Variants in DGKB observed in about 807,000 individuals in gnomAD.
The protein encoded by DGKB is diacylglycerol kinase beta.
In DGKB, 67 loss-of-function variants were observed where a neutral mutation model predicts 114.3. That is an observed-to-expected ratio of 0.59 (90% CI 0.48 to 0.72). The LOEUF (loss-of-function observed/expected upper bound fraction) is 0.72, where lower values mean the gene tolerates loss of function less well. DGKB is among the 30% of genes least tolerant of loss of function. DGKB has a pLI of 0.00. For missense variants in DGKB, 907 were observed against 975.2 expected, an observed-to-expected ratio of 0.93 and a Z score of 0.93; for synonymous variants, 398 against 323.1, an observed-to-expected ratio of 1.23 and a Z score of -2.49.
At chr7:14,562,236 G>A (rs757591409) in intron 20 of DGKB, among the ~76,000 whole-genome samples, 3 of 152,246 alleles carry the variant, frequency 2.0e-5, no homozygotes, top group Non-Finnish European at 4.4e-5. Context: ...CTAGATTTCA[G>A]AGGATGTATG....
At chr7:14,910,339 AAAAAC>A (rs145982113) in intron 1 of DGKB, among the ~76,000 whole-genome samples, 3,921 of 151,798 alleles carry the variant, frequency 0.026, 171 homozygotes, top group African/African-American at 0.083. Context: ...GGAGAAGGCA[AAAAAC>A]AAAACAAAAC....
Position 14,969,661 on chromosome 7 carries a change from T to A in DGKB, c.-188+5035A>T, listed in dbSNP as rs185194526. Among the ~76,000 whole-genome samples the A allele has an allele frequency of 7.2e-5, 11 of 152,230 alleles. No individual in the cohort carries two copies. The East Asian group carries it at 2.1e-3, about 30-fold the overall frequency. Reference sequence around the variant, plus strand: ...GTGCTCGTTATGAGAGTCTAATGCCTGATGATCCCAAAACCATGCATCCCC... The same window carrying A: ...GTGCTCGTTATGAGAGTCTAATGCCAGATGATCCCAAAACCATGCATCCCC... On this transcript the variant is annotated intron_variant, in intron 1 of 4. Coordinates refer to the DGKB transcript ENST00000437998.
chr7:14,859,194 G>C (rs1386934969), intron 1 of DGKB, among the ~76,000 whole-genome samples: 1 of 152,114 alleles, frequency 6.6e-6, no homozygotes, highest in East Asian at 1.9e-4. Context: ...AGTATGGGGT[G>C]TGGGTGGATG....
At chr7:14,762,734 C>T (rs4518556) in intron 2 of DGKB, among the ~76,000 whole-genome samples, 54,025 of 151,790 alleles carry the variant, frequency 0.36, 13,330 homozygotes, top group African/African-American at 0.69. Flanking sequence ...CATGAAGTAA[C>T]GGAGAGATTT....
intron 17 of DGKB, among the ~76,000 whole-genome samples, chr7:14,584,107 A>G (rs1800360887): frequency 6.6e-6 from 1 of 152,208 alleles, no homozygotes; most frequent in South Asian, 2.1e-4. Flanking sequence ...TTTTATTTTA[A>G]CTTCAAATAT....
intron 17 of DGKB, among the ~76,000 whole-genome samples, chr7:14,597,121 T>C (rs1410057738): frequency 6.6e-6 from 1 of 152,094 alleles, no homozygotes; most frequent in East Asian, 1.9e-4. Flanking sequence ...GGCAGGAGAA[T>C]GGCGTGAACC....
At chr7:14,265,292 T>C (rs1449139297) in intron 23 of DGKB, among the ~76,000 whole-genome samples, 5 of 150,136 alleles carry the variant, frequency 3.3e-5, no homozygotes, top group Admixed American at 2.0e-4. Context: ...TTTCTCAATT[T>C]GGACTGCTGT....
At chr7:14,653,552 G>A (rs1815089671) in intron 13 of DGKB, among the ~76,000 whole-genome samples, 1 of 151,974 alleles carries the variant, frequency 6.6e-6, no homozygotes, top group South Asian at 2.1e-4. Context: ...TATACCTAAT[G>A]CTAGATGACG....
intron 1 of DGKB, among the ~76,000 whole-genome samples, chr7:14,878,673 CG>C (rs1853701978): frequency 6.9e-6 from 1 of 144,636 alleles, no homozygotes; most frequent in Non-Finnish European, 1.5e-5. Flanking sequence ...GGCGTGAACC[CG>C]GGAGGCGGAG....
At chr7:14,846,894 G>C (rs1440179159) in intron 1 of DGKB, among the ~76,000 whole-genome samples, 1 of 152,182 alleles carries the variant, frequency 6.6e-6, no homozygotes, top group Non-Finnish European at 1.5e-5. Context: ...AATCTATTGG[G>C]TTGGACGCAT....
intron 23 of DGKB, among the ~76,000 whole-genome samples, chr7:14,308,651 T>C (rs1433123632): frequency 6.6e-6 from 1 of 151,976 alleles, no homozygotes; most frequent in Non-Finnish European, 1.5e-5. Flanking sequence ...TAAAAACAAG[T>C]GTGAATTTGT....
At chr7:14,290,916 T>A (rs913670267) in intron 23 of DGKB, among the ~76,000 whole-genome samples, 1 of 150,688 alleles carries the variant, frequency 6.6e-6, no homozygotes, top group African/African-American at 2.4e-5. Context: ...TTGAGGTGGG[T>A]GTATCACCTG....
At chr7:14,794,708 T>C (rs1269214089) in intron 2 of DGKB, among the ~76,000 whole-genome samples, 2 of 152,164 alleles carry the variant, frequency 1.3e-5, no homozygotes, top group Admixed American at 1.3e-4. Flanking sequence ...GCAGGAGGTC[T>C]ACAGTTAAAA....
At chr7:14,162,701 A>G (rs957548622) in intron 25 of DGKB, among the ~76,000 whole-genome samples, 7 of 152,336 alleles carry the variant, frequency 4.6e-5, no homozygotes, top group African/African-American at 1.7e-4. Context: ...CAATATTTAA[A>G]TTGAATGCAT....
Position 14,823,777 on chromosome 7 carries a change from G to A in DGKB, c.70+17417C>T, listed in dbSNP as rs1324183824. Among the ~76,000 whole-genome samples the A allele has an allele frequency of 2.6e-5, 4 of 152,166 alleles. No homozygotes were observed. In the East Asian group the frequency reaches 7.7e-4, roughly 29 times the overall value. ...CCATATACTGCAGGTTACCTAAAAG[G>A]AATTCATATAGCTTTTAAAAATAAA... On this transcript the variant is annotated intron_variant, in intron 2 of 25. Transcript: ENST00000402815.
chr7:14,704,767 T>C (rs1036585391), intron 6 of DGKB, among the ~76,000 whole-genome samples: 20 of 152,052 alleles, frequency 1.3e-4, no homozygotes, highest in African/African-American at 4.6e-4. Context: ...TCCTGTCTGT[T>C]AGAAGGAAAA....
chr7:14,439,598 TC>T (rs1446736189), intron 21 of DGKB, among the ~76,000 whole-genome samples: 1 of 152,066 alleles, frequency 6.6e-6, no homozygotes, highest in Non-Finnish European at 1.5e-5. Flanking sequence ...GCACAGTGGC[TC>T]ATGCCTGTAA....
At chr7:14,948,773 A>T (rs189923709) in intron 1 of DGKB, among the ~76,000 whole-genome samples, 1 of 152,032 alleles carries the variant, frequency 6.6e-6, no homozygotes, top group East Asian at 1.9e-4. Context: ...AATCAACAAA[A>T]ACATTAACAA....
At chr7:14,549,813 C>G (rs1380102718) in intron 20 of DGKB, among the ~76,000 whole-genome samples, 1 of 151,892 alleles carries the variant, frequency 6.6e-6, no homozygotes, top group East Asian at 1.9e-4. Flanking sequence ...ATAGTGAAAC[C>G]CCGTCTCTAC....
Sources: gnomAD v4.1 joint callset for allele counts (sites outside exome capture counted in the v4.1 genomes callset) on GRCh38, gnomAD v4.1.1 for gene constraint, MANE v1.5 for transcripts, NCBI Gene and HGNC (gene_info 2026-07-23, HGNC 2026-07-21) for gene names.